PCDH15: variants seen among roughly 807,000 people sequenced by gnomAD.
PCDH15 encodes protocadherin-15.
PCDH15 carries 129 observed loss-of-function variants against 178.5 expected under a neutral mutation model. The ratio of observed to expected loss-of-function variants is 0.72; its 90% confidence interval spans 0.63 to 0.84. The LOEUF is 0.84. Among genes scored for constraint, PCDH15 ranks in the 40% least tolerant of loss-of-function variants. PCDH15 has a pLI of 0.00. For missense variants in PCDH15, 2,230 were observed against 2,099.9 expected (o/e 1.06, Z -1.21); for synonymous variants, 800 against 732.0 (o/e 1.09, Z -1.50).
chr10:55,187,061 C>T (rs191558542), intron 1 of PCDH15, among the ~76,000 whole-genome samples: 2 of 151,864 alleles, frequency 1.3e-5, no homozygotes, highest in Admixed American at 6.6e-5. Flanking sequence ...TATTGAGAAC[C>T]TATTATACCT....
At chr10:54,990,216 G>C (rs1486655856) in intron 2 of PCDH15, among the ~76,000 whole-genome samples, 7 of 152,096 alleles carry the variant, frequency 4.6e-5, no homozygotes, top group African/African-American at 1.4e-4. Context: ...CTTACTGAAG[G>C]CCTTAATAAA....
At chr10:54,526,925 A>G (rs1479303047) in intron 3 of PCDH15, among the ~76,000 whole-genome samples, 1 of 150,446 alleles carries the variant, frequency 6.6e-6, no homozygotes, top group Non-Finnish European at 1.5e-5. Context: ...GAGTTACAAG[A>G]AAAAGGTCAC....
At chr10:54,110,723 T>C (rs574790240) in intron 15 of PCDH15, among the ~76,000 whole-genome samples, 1 of 152,320 alleles carries the variant, frequency 6.6e-6, no homozygotes, top group Admixed American at 6.5e-5. Context: ...TAAAAAAAGC[T>C]TTGTTCTTAT....
chr10:53,854,583 G>A (rs1346239364), intron 28 of PCDH15, among the ~76,000 whole-genome samples: 1 of 151,958 alleles, frequency 6.6e-6, no homozygotes, highest in African/African-American at 2.4e-5. Flanking sequence ...TTACAGAGCT[G>A]TAATAGGATC....
At chr10:54,776,235 G>A (rs1044779239) in intron 1 of PCDH15, among the ~76,000 whole-genome samples, 2 of 152,076 alleles carry the variant, frequency 1.3e-5, no homozygotes, top group Admixed American at 6.6e-5. Flanking sequence ...AATAAACATT[G>A]GGGTACAGAT....
intron 1 of PCDH15, among the ~76,000 whole-genome samples, chr10:55,295,229 G>T (rs1392803073): frequency 6.6e-6 from 1 of 152,050 alleles, no homozygotes; most frequent in Non-Finnish European, 1.5e-5. Flanking sequence ...CCTACTTACT[G>T]CTTCTCTTCA....
At chr10:54,659,134 A>G (rs1301457871) in intron 2 of PCDH15, among the ~76,000 whole-genome samples, 1 of 152,212 alleles carries the variant, frequency 6.6e-6, no homozygotes, top group East Asian at 1.9e-4. Flanking sequence ...GACCTAAGAA[A>G]AGAAACAAGT....
chr10:55,322,880 T>C (rs1374364819), upstream of PCDH15, among the ~76,000 whole-genome samples: 1 of 151,760 alleles, frequency 6.6e-6, no homozygotes, highest in Non-Finnish European at 1.5e-5. Flanking sequence ...ACCAAGGTAA[T>C]AGGGAAAATG....
chr10:54,556,965 C>T (rs559820211), intron 2 of PCDH15, among the ~76,000 whole-genome samples: 122 of 152,024 alleles, frequency 8.0e-4, no homozygotes, highest in African/African-American at 2.8e-3. Context: ...GATCTTTTTA[C>T]CAATTTGTGC....
chr10:53,949,778 C>G (rs952237764), intron 23 of PCDH15, among the ~76,000 whole-genome samples: 1 of 152,044 alleles, frequency 6.6e-6, no homozygotes, highest in Non-Finnish European at 1.5e-5. Context: ...AATTTTAATT[C>G]TCTTTAATAA....
At chr10:54,152,419 GT>G (rs1369889810) in intron 14 of PCDH15, among the ~76,000 whole-genome samples, 1 of 151,264 alleles carries the variant, frequency 6.6e-6, no homozygotes, top group East Asian at 1.9e-4. Flanking sequence ...TTCTTCCATA[GT>G]TTTATACTTA....
At chr10:55,327,625 T>TA (rs796310872) in intron 2 of PCDH15, among the ~76,000 whole-genome samples, 5 of 151,982 alleles carry the variant, frequency 3.3e-5, no homozygotes, top group African/African-American at 7.2e-5. Flanking sequence ...ATTTTCAGAG[T>TA]AAAAAAAATC....
chr10:54,913,547 C>T lies in PCDH15; in HGVS notation c.-79-16047G>A, dbSNP rs114141463. Reference sequence around the variant, plus strand: ...CAAAGGGGAAATATGTGGTTGGAGCCACACACAGAGTTCACATTGGTGCAC... The same window carrying T: ...CAAAGGGGAAATATGTGGTTGGAGCTACACACAGAGTTCACATTGGTGCAC... On this transcript the variant is annotated intron_variant, in intron 2 of 5. Transcript: ENST00000458638. 7.4e-3 allele frequency among the ~76,000 whole-genome samples: 1,126 copies of T among 152,308 alleles called. 12 individuals are homozygous for T. The highest frequency in any genetic ancestry group is 0.026 in the African/African-American group (1,072 of 41,576).
rs11004317 is a variant in PCDH15, at chr10:54,459,876, C to T, written c.157+67936G>A. Among the ~76,000 whole-genome samples the T allele has an allele frequency of 5.7e-3, 866 of 152,178 alleles. 13 individuals carry two copies. Among genetic ancestry groups the T allele is most frequent in the African/African-American group, 0.02 (825 of 41,552 alleles). On this transcript the variant is annotated intron_variant, in intron 3 of 37. Transcript: ENST00000644397. ...TTTTATCCTTGACTAAAGTCTGCAA[C>T]GTGTTTTCCTTATGTCAAATCTTGC...
At chr10:53,820,112 T>G (rs1221790953) in intron 33 of PCDH15, 53 bp downstream of exon 33, 1 of 397,136 alleles carries the variant, frequency 2.5e-6, no homozygotes, top group African/African-American at 2.1e-5. Flanking sequence ...CTGGTGTAGA[T>G]ATTAGCTTAG....
At chr10:54,240,247 A>G (rs2134435939) in intron 8 of PCDH15, among the ~76,000 whole-genome samples, 1 of 151,950 alleles carries the variant, frequency 6.6e-6, no homozygotes, top group Admixed American at 6.6e-5. Flanking sequence ...TAATAATAAT[A>G]TGTACGTATT....
intron 3 of PCDH15, among the ~76,000 whole-genome samples, chr10:54,399,900 C>A (rs1236480905): frequency 6.6e-6 from 1 of 152,082 alleles, no homozygotes; most frequent in African/African-American, 2.4e-5. Flanking sequence ...CAGGAGTTGC[C>A]AAAATCAGAC....
At chr10:54,600,081 G>T in intron 2 of PCDH15, 1 of 1,082,494 alleles carries the variant, frequency 9.2e-7, no homozygotes, top group African/African-American at 1.6e-5. Flanking sequence ...AAGCTCCCAA[G>T]GAATAGAAGG....
intron 3 of PCDH15, among the ~76,000 whole-genome samples, chr10:54,882,777 A>G (rs1954286745): frequency 6.6e-6 from 1 of 152,072 alleles, no homozygotes; most frequent in East Asian, 1.9e-4. Context: ...CTTGCTAATT[A>G]AAAATATAGC....
Sources: allele counts gnomAD v4.1 joint callset (sites outside exome capture counted in the v4.1 genomes callset), GRCh38; gene constraint gnomAD v4.1.1; transcripts MANE v1.5; gene names NCBI Gene and HGNC (gene_info 2026-07-23, HGNC 2026-07-21).